The following CHPF variants were observed in gnomAD, a reference collection of about 807,000 sequenced individuals.
The protein encoded by CHPF is chondroitin polymerizing factor, non-catalytic subunit.
A neutral mutation model predicts 55.1 loss-of-function variants in CHPF; 34 were observed. The observed-to-expected ratio is 0.62, with a 90% confidence interval of 0.47 to 0.82. CHPF has a LOEUF of 0.82. Ranked by LOEUF, CHPF falls within the 40% of genes least tolerant of loss-of-function variation. The pLI is 0.00. For missense variants in CHPF, 961 were observed against 1,106.1 expected (o/e 0.87, Z 1.86); for synonymous variants, 489 against 496.6 (o/e 0.98, Z 0.20).
rs2105988285 is a variant in CHPF at position 219,542,090 on chromosome 2, G to A, written c.414C>T (p.Asn138=). Residue 138 remains asparagine, a synonymous_variant, in exon 2 of 4, where the codon AAC becomes AAT. Transcript: ENST00000243776. The part of the protein sequence containing the change: ...TTLPTLGVAV[N]RTLGHRLERV... ...GCTCCAGCCGGTGCCCCAGCGTGCG[G>A]TTCACGGCCACGCCCAGCGTGGGCA... The A allele has an allele frequency of 6.4e-7, 1 of 1,572,978 alleles. No homozygotes were observed.
chr2:219,542,987 T>C, intron 1 of CHPF: 1 of 1,292,834 alleles, frequency 7.7e-7, no homozygotes, highest in Non-Finnish European at 9.8e-7. Context: ...CGCCATCGGG[T>C]CGAGCCGGTT....
chr2:219,543,340 G>T lies in CHPF; in HGVS notation c.199C>A (p.Pro67Thr), dbSNP rs941108326. 3.2e-6 allele frequency: 5 copies of T among 1,568,810 alleles called. No homozygotes were observed. In the African/African-American group the frequency reaches 5.6e-5, roughly 18 times the overall value. ...NAARRPNSVQ[P>T]GAEREKPGAG... ...CCGGGCTTCTCGCGCTCCGCTCCGG[G>T]CTGCACCGAGTTGGGCCGGCGCGCC... is the stretch of plus-strand genomic sequence containing the variant. Residue 67 changes from proline to threonine, a missense_variant, in exon 1 of 4, where the codon CCC (proline) becomes ACC (threonine). Physicochemically the swap from Pro to Thr is conservative, Grantham distance 38. Coordinates refer to ENST00000243776, the MANE Select transcript of CHPF (RefSeq NM_024536.6).
rs894386675 is a variant in CHPF, at chr2:219,542,048, C to G, written c.456G>C (p.Thr152=). 1 of 1,583,578 alleles carries G rather than the reference C, an allele frequency of 6.3e-7. No individual in the cohort carries two copies. Among genetic ancestry groups the G allele is most frequent in the Non-Finnish European group, 8.6e-7 (1 of 1,169,520 alleles). Residue 152 remains threonine (T), a synonymous_variant, in exon 2 of 4, where the codon ACG becomes ACC. Coordinates refer to ENST00000243776, the MANE Select transcript of CHPF (RefSeq NM_024536.6). ...GHRLERVVFL[T]GARGRRAPPG... ...GTGGGGCCCGGCGGCCCCGTGCGCCCGTCAGGAACACCACACGCTCCAGCC... is the reference window on the plus strand; with the variant it reads ...GTGGGGCCCGGCGGCCCCGTGCGCCGGTCAGGAACACCACACGCTCCAGCC...
Position 219,540,393 on chromosome 2 carries a change from C to T in CHPF, c.1318G>A (p.Ala440Thr). 1 of 1,614,060 alleles carries T rather than the reference C, an allele frequency of 6.2e-7. No individual in the cohort carries two copies. The highest frequency in any genetic ancestry group is 8.5e-7 in the Non-Finnish European group (1 of 1,180,004). The stretch of plus-strand genomic sequence containing the variant: ...AGCTGCTGCTTCTGGAGCCGCAAGG[C>T]CGGGTGGTAGCGGCGGTTCAGCTCC... ...LEELNRRYHP[A>T]LRLQKQQLVN... is the part of the protein sequence containing the mutation. The change falls in exon 4 of 4, where the codon GCC becomes ACC. Residue 440 changes from alanine (A) to threonine (T), a missense_variant. Transcript: ENST00000243776.
In CHPF at chr2:219,540,199, C is replaced by G. The variant is rs765957822; in HGVS notation, c.1512G>C (p.Glu504Asp). ...VEILPVPYVT[E>D]ASRLTVLLPL... The stretch of plus-strand genomic sequence containing the variant: ...GCAGCAGCACAGTGAGACGTGAGGC[C>G]TCAGTGACATAGGGCACAGGCAAGA... The change falls in exon 4 of 4, where the codon GAG becomes GAC. Residue 504 changes from glutamate (E) to aspartate (D), a missense_variant. By Grantham distance (45) the Glu-to-Asp change is conservative. This residue lies in a region of CHPF where 936 missense variants were observed against 1,058.4 expected (regional missense o/e 0.88). Coordinates refer to ENST00000243776, the MANE Select transcript of CHPF (RefSeq NM_024536.6). The G allele has an allele frequency of 2.5e-6, 4 of 1,612,546 alleles. No homozygotes were observed.
At position 219,539,899 on chromosome 2, in the gene CHPF, C is replaced by T. The variant is rs1247807208; in HGVS notation, c.1812G>A (p.Lys604=). Residue 604 remains lysine (K), a synonymous_variant, in exon 4 of 4, where the codon AAG becomes AAA. Transcript: ENST00000243776. The part of the protein sequence containing the change: ...PLRLMDLLSK[K]HPLDTLFLLA... ...GCAGGAACAGTGTGTCCAGCGGGTG[C>T]TTCTTGGAGAGTAGATCCATGAGGC... is the stretch of plus-strand genomic sequence containing the variant. The T allele has an allele frequency of 6.2e-7, 1 of 1,613,544 alleles. No homozygotes were observed. The highest frequency in any genetic ancestry group is 2.2e-5 in the East Asian group (1 of 44,900).
At position 219,540,006 on chromosome 2, in the gene CHPF, G is replaced by A. The variant is rs1433961233; in HGVS notation, c.1705C>T (p.His569Tyr). ...HADVFAPVKA[H>Y]VAELERRFPG... ...AAACGCCGCTCCAGCTCTGCCACGT[G>A]GGCCTTGACAGGTGCGAAGACATCT... The change falls in exon 4 of 4, where the codon CAC (histidine) becomes TAC (tyrosine). Residue 569 changes from histidine (H) to tyrosine (Y), a missense_variant. Physicochemically the swap from His to Tyr is moderately conservative, Grantham distance 83 (BLOSUM62 2). This residue lies in a region of CHPF where 936 missense variants were observed against 1,058.4 expected (regional missense o/e 0.88). Coordinates refer to ENST00000243776, the MANE Select transcript of CHPF (RefSeq NM_024536.6). 4 of 1,613,632 alleles carry A rather than the reference G, an allele frequency of 2.5e-6. No homozygotes were observed. In the African/African-American group the frequency reaches 5.3e-5, roughly 21 times the overall value.
At chr2:219,541,436 T>C (rs536241136) in intron 2 of CHPF, 180 bp downstream of exon 2, 15 of 587,396 alleles carry the variant, frequency 2.6e-5, no homozygotes, top group Non-Finnish European at 3.7e-5. Context: ...ATTATTTCCA[T>C]TGGCACAAAG....
rs1695313672 is a variant in CHPF at position 219,543,133 on chromosome 2, T to C, written c.314+92A>G. ...AAAGACTTCCTGGCTCGCCAGCCCC[T>C]TCCTTCCGGAGCCTGACCCGGGCCC... On this transcript the variant is annotated intron_variant, in intron 1 of 3. Transcript: ENST00000243776. 7 of 1,371,564 alleles carry C rather than the reference T, an allele frequency of 5.1e-6. No homozygotes were observed. In the African/African-American group the frequency reaches 6.1e-5, roughly 12 times the overall value. The allele number at this position is 1,371,564 out of a possible 1,614,324, so 85.0% of individuals were successfully genotyped here.
Position 219,543,808 on chromosome 2 carries a change from G to A in CHPF, c.-270C>T, listed in dbSNP as rs914867971. The A allele has an allele frequency of 5.3e-5, 24 of 453,982 alleles. No individual in the cohort carries two copies. The highest frequency in any genetic ancestry group is 8.6e-5 in the Non-Finnish European group (22 of 256,458). 28.1% of individuals were successfully genotyped at this position (453,982 alleles called of 1,614,324 possible). The stretch of plus-strand genomic sequence containing the variant: ...GGCCGCAGCTGTCCGACGTGTCACT[G>A]CAAGGGCCCCGCCCCCGGGGTGGGG... On this transcript the variant is annotated 5_prime_UTR_variant, in exon 1 of 4. Coordinates refer to ENST00000243776, the MANE Select transcript of CHPF (RefSeq NM_024536.6).
chr2:219,540,038 G>A lies in CHPF; in HGVS notation c.1673C>T (p.Ala558Val). 1 of 1,612,720 alleles carries A rather than the reference G, an allele frequency of 6.2e-7. No homozygotes were observed. Among genetic ancestry groups the A allele is most frequent in the East Asian group, 2.2e-5 (1 of 44,860 alleles). The change falls in exon 4 of 4, where the codon GCC becomes GTC. Residue 558 changes from alanine to valine, a missense_variant. Transcript: ENST00000243776. ...LYEPRQAQRV[A>V]HADVFAPVKA... ...GACAGGTGCGAAGACATCTGCATGG[G>A]CCACGCGCTGGGCCTGGCGCGGCTC...
intron 2 of CHPF, 65 bp downstream of exon 2, chr2:219,541,551 C>T: frequency 7.6e-7 from 1 of 1,316,072 alleles, no homozygotes; most frequent in Non-Finnish European, 1.0e-6. Flanking sequence ...CTCCAACATC[C>T]CTTTGCCTCT....
At chr2:219,541,379 C>T (rs1574500590) in intron 2 of CHPF, 3 of 555,994 alleles carry the variant, frequency 5.4e-6, no homozygotes, top group Middle Eastern at 4.6e-4. Flanking sequence ...CTATTATGTA[C>T]AAGGCTCCCT....
rs1679939712 is a variant in CHPF, at chr2:219,539,266, C to G, written c.*117G>C. The G allele has an allele frequency of 9.7e-7, 1 of 1,031,404 alleles. No homozygotes were observed. The highest frequency in any genetic ancestry group is 1.6e-5 in the African/African-American group (1 of 62,524). The allele number at this position is 1,031,404 out of a possible 1,614,324, so 63.9% of individuals were successfully genotyped here. A position where few individuals can be genotyped will look rare whatever the true frequency, so the allele number is the denominator to read the frequency against. On this transcript the variant is annotated 3_prime_UTR_variant, in exon 4 of 4. Coordinates refer to ENST00000243776, the MANE Select transcript of CHPF (RefSeq NM_024536.6). ...AGAGCCAGAGAGGGGACCAGTGGGC[C>G]AGCTTGGGGTCTGGCTACGGCCAGC...
In CHPF at chr2:219,542,078, C is replaced by A. The variant is rs781660239; in HGVS notation, c.426G>T (p.Gly142=). The change falls in exon 2 of 4, where the codon GGG becomes GGT. Residue 142 remains glycine, a synonymous_variant. Transcript: ENST00000243776. ...GGAACACCACACGCTCCAGCCGGTG[C>A]CCCAGCGTGCGGTTCACGGCCACGC... The part of the protein sequence containing the change: ...TLGVAVNRTL[G]HRLERVVFLT... 6.4e-7 allele frequency: 1 copy of A among 1,572,302 alleles called. No homozygotes were observed. Among genetic ancestry groups the A allele is most frequent in the Non-Finnish European group, 8.6e-7 (1 of 1,164,694 alleles).
intron 2 of CHPF, 52 bp downstream of exon 2, chr2:219,541,564 G>C (rs758383878): frequency 7.2e-7 from 1 of 1,393,954 alleles, no homozygotes; most frequent in Admixed American, 2.5e-5. Flanking sequence ...TTGCCTCTCA[G>C]AGGGATTTGA....
chr2:219,539,433 TTCGG>T lies in CHPF; in HGVS notation c.2274_2277del (p.Arg759ProfsTer134). On this transcript the variant is annotated frameshift_variant, in exon 4 of 4. Coordinates refer to ENST00000243776, the MANE Select transcript of CHPF (RefSeq NM_024536.6). LOFTEE classifies it high-confidence loss of function. ...TCAAAGAGTAGCATGGCCAGCTGGGTTCGGGAGCCGAGGCCCTCAAGCACGCTCT... is the reference window on the plus strand; with the variant it reads ...TCAAAGAGTAGCATGGCCAGCTGGGTGAGCCGAGGCCCTCAAGCACGCTCT... 3 of 1,611,966 alleles carry T rather than the reference TTCGG, an allele frequency of 1.9e-6. No individual in the cohort carries two copies. The highest frequency in any genetic ancestry group is 2.5e-6 in the Non-Finnish European group (3 of 1,178,808).
rs1695312574 is a variant in CHPF at position 219,543,100 on chromosome 2, C to T, written c.314+125G>A. On this transcript the variant is annotated intron_variant, in intron 1 of 3. Coordinates refer to ENST00000243776, the MANE Select transcript of CHPF (RefSeq NM_024536.6). ...GGAAGGCAGGGCCATCGGAAGTTAT[C>T]GGGGCCCAAAGACTTCCTGGCTCGC... 6 of 1,362,920 alleles carry T rather than the reference C, an allele frequency of 4.4e-6. No homozygotes were observed. In the South Asian group the frequency reaches 5.2e-5, roughly 12 times the overall value. The allele number at this position is 1,362,920 out of a possible 1,614,324, so 84.4% of individuals were successfully genotyped here.
Position 219,543,493 on chromosome 2 carries a change from C to A in CHPF, c.46G>T (p.Val16Leu). 1.5e-6 allele frequency: 2 copies of A among 1,377,880 alleles called. No individual in the cohort carries two copies. Among genetic ancestry groups the A allele is most frequent in the Non-Finnish European group, 1.9e-6 (2 of 1,071,776 alleles). The allele number at this position is 1,377,880 out of a possible 1,614,324, so 85.4% of individuals were successfully genotyped here. The change falls in exon 1 of 4, where the codon GTG becomes TTG. Residue 16 changes from valine (V) to leucine (L), a missense_variant. Physicochemically the swap from Val to Leu is conservative, Grantham distance 32. Around this residue, in one of 3 missense-constraint regions of CHPF, gnomAD observed 19 missense variants for 22.5 expected, o/e 0.85. Transcript: ENST00000243776. Reference sequence around the variant, plus strand: ...AAGCCCAGGGAGATGCCCACGGCCACGGGCCCTGCGGGCCGCAGCACCGAC... The same window carrying A: ...AAGCCCAGGGAGATGCCCACGGCCAAGGGCCCTGCGGGCCGCAGCACCGAC... Reference protein sequence around the residue: ...LLSVLRPAGPVAVGISLGFTL... With the variant: ...LLSVLRPAGPLAVGISLGFTL...
Sources: allele counts gnomAD v4.1 joint callset, GRCh38; gene constraint gnomAD v4.1.1; regional missense constraint gnomAD v4.1.1; transcripts MANE v1.5; gene names NCBI Gene and HGNC (gene_info 2026-07-23, HGNC 2026-07-21).